Variants in SOX5 observed in about 807,000 individuals in gnomAD.
The protein encoded by SOX5 is SRY-box transcription factor 5.
SOX5 carries 9 observed loss-of-function variants against 92.0 expected under a neutral mutation model. The ratio of observed to expected loss-of-function variants is 0.10; its 90% CI spans 0.06 to 0.17. SOX5 has a LOEUF of 0.17. Ranked by LOEUF, SOX5 falls within the 10% of genes least tolerant of loss-of-function variation. The pLI, the probability that SOX5 is intolerant of heterozygous loss-of-function variation, is 1.00. For missense variants in SOX5, 642 were observed against 944.5 expected, an observed-to-expected ratio of 0.68 and a Z score of 4.20; for synonymous variants, 344 against 336.3, an observed-to-expected ratio of 1.02 and a Z score of -0.25.
intron 6 of SOX5, among the ~76,000 whole-genome samples, chr12:23,707,706 C>T (rs11047055): frequency 0.1 from 15,285 of 152,044 alleles, 847 homozygotes; most frequent in African/African-American, 0.12. Context: ...TTTAAGGTTA[C>T]ATTTTCCTTT....
chr12:24,302,576 C>T (rs937208821), intron 2 of SOX5, among the ~76,000 whole-genome samples: 3 of 151,258 alleles, frequency 2.0e-5, no homozygotes, highest in African/African-American at 7.3e-5. Context: ...TTTCCCTAAG[C>T]ATTACAAGTT....
At position 24,393,447 on chromosome 12, in the gene SOX5, T is replaced by C. The variant is rs1032143171; in HGVS notation, c.-250-24808A>G. The stretch of plus-strand genomic sequence containing the variant: ...GACAGAAAAGGGTTTTGCAAGGGCT[T>C]GGAGGATAATCAGCTTTAGGGTCAT... On this transcript the variant is annotated intron_variant, in intron 1 of 4. Coordinates refer to the SOX5 transcript ENST00000446891. The surrounding 1 kb of genome is among the most constrained non-coding windows in gnomAD (Gnocchi z 5.0). 2.0e-5 allele frequency among the ~76,000 whole-genome samples: 3 copies of C among 152,152 alleles called. No individual in the cohort carries two copies. The highest frequency in any genetic ancestry group is 7.2e-5 in the African/African-American group (3 of 41,416).
intron 2 of SOX5, among the ~76,000 whole-genome samples, chr12:24,292,372 A>G (rs12307079): frequency 0.068 from 10,296 of 152,298 alleles, 406 homozygotes; most frequent in African/African-American, 0.083. Flanking sequence ...TAAAAGTTGC[A>G]TAAATAAAAT....
At chr12:23,569,954 T>A (rs927085677) in intron 10 of SOX5, among the ~76,000 whole-genome samples, 2 of 152,194 alleles carry the variant, frequency 1.3e-5, no homozygotes, top group African/African-American at 2.4e-5. Flanking sequence ...CAGGGCAGGA[T>A]CTGTTGAAGA....
Position 23,594,871 on chromosome 12 carries a change from A to C in SOX5, c.1164+9516T>G, listed in dbSNP as rs73273885. Among the ~76,000 whole-genome samples the C allele has an allele frequency of 4.3e-3, 647 of 152,224 alleles. 9 individuals are homozygous for C. The highest frequency in any genetic ancestry group is 0.014 in the African/African-American group (594 of 41,510). On this transcript the variant is annotated intron_variant, in intron 9 of 14. Coordinates refer to ENST00000451604, the MANE Select transcript of SOX5 (RefSeq NM_006940.6). Reference sequence around the variant, plus strand: ...GCAATTACTTTCCCTCCTGTTTAGAATAACCTTTCCTTAGACCTTTACAGG... The same window carrying C: ...GCAATTACTTTCCCTCCTGTTTAGACTAACCTTTCCTTAGACCTTTACAGG...
At chr12:23,764,432 A>C (rs1415101084) in intron 3 of SOX5, among the ~76,000 whole-genome samples, 3 of 152,108 alleles carry the variant, frequency 2.0e-5, no homozygotes, top group African/African-American at 7.2e-5. Context: ...AAAACAGTTA[A>C]ATTCACAAGG....
chr12:24,149,082 CA>C (rs1043682942), intron 4 of SOX5, among the ~76,000 whole-genome samples: 1 of 152,080 alleles, frequency 6.6e-6, no homozygotes, highest in Non-Finnish European at 1.5e-5. Context: ...AATATTGATT[CA>C]AAATGGATCA....
At chr12:24,268,238 A>C (rs1288827142) in intron 3 of SOX5, among the ~76,000 whole-genome samples, 1 of 152,222 alleles carries the variant, frequency 6.6e-6, no homozygotes, top group Non-Finnish European at 1.5e-5. Context: ...TATTCAGATA[A>C]AATATTTGTA....
In SOX5 at chr12:23,534,297, CTCA is replaced by C; in HGVS notation, c.2211_2213del (p.Asp737del). ...CTGGATCATCCTCTTCCTCGTCGTA[CTCA>C]TCATAAATTTCTCCATTGATGTCCT... On this transcript the variant is annotated inframe_deletion, in exon 15 of 15. Coordinates refer to ENST00000451604, the MANE Select transcript of SOX5 (RefSeq NM_006940.6). 3 of 1,614,162 alleles carry C rather than the reference CTCA, an allele frequency of 1.9e-6. No homozygotes were observed. The highest frequency in any genetic ancestry group is 2.5e-6 in the Non-Finnish European group (3 of 1,179,992).
intron 1 of SOX5, among the ~76,000 whole-genome samples, chr12:24,397,507 C>T (rs1960350260): frequency 6.6e-6 from 1 of 152,104 alleles, no homozygotes; most frequent in Admixed American, 6.5e-5. Flanking sequence ...ATAATAAGTA[C>T]ATGCCAGGCT....
At position 23,534,003 on chromosome 12, in the gene SOX5, T is replaced by C; in HGVS notation, c.*216A>G. The C allele has an allele frequency of 2.1e-6, 1 of 485,366 alleles. No homozygotes were observed. 30.1% of individuals were successfully genotyped at this position (485,366 alleles called of 1,614,324 possible). ...TTTACCCATAGCTTATTTCAATCTC[T>C]TGTTGTTGATATTGTTGTTTGCTTG... On this transcript the variant is annotated 3_prime_UTR_variant, in exon 15 of 15. Transcript: ENST00000451604.
intron 4 of SOX5, among the ~76,000 whole-genome samples, chr12:24,022,078 A>G (rs1228165325): frequency 6.6e-6 from 1 of 152,196 alleles, no homozygotes; most frequent in Non-Finnish European, 1.5e-5. Context: ...ATAGCAGACA[A>G]CATTCTTGCT....
chr12:24,003,912 G>A (rs1951875016), intron 4 of SOX5, among the ~76,000 whole-genome samples: 1 of 152,028 alleles, frequency 6.6e-6, no homozygotes, highest in African/African-American at 2.4e-5. Flanking sequence ...TAAAGCTACA[G>A]TGATCAAGAC....
At chr12:24,550,721 C>T (rs755441146) in intron 1 of SOX5, among the ~76,000 whole-genome samples, 1 of 152,346 alleles carries the variant, frequency 6.6e-6, no homozygotes, top group East Asian at 1.9e-4. Context: ...AAATTAAGCA[C>T]AGCAGGAAGA....
chr12:24,385,802 C>A (rs1013811744), intron 1 of SOX5, among the ~76,000 whole-genome samples: 23 of 151,360 alleles, frequency 1.5e-4, no homozygotes, highest in African/African-American at 5.6e-4. Flanking sequence ...CATGGTGGTG[C>A]ATTTCTATAG....
intron 6 of SOX5, among the ~76,000 whole-genome samples, chr12:23,731,969 TAAA>T (rs1567301737): frequency 1.3e-5 from 2 of 152,134 alleles, no homozygotes; most frequent in East Asian, 3.8e-4. Context: ...GCACTGTATT[TAAA>T]AAAGAAAAAA....
chr12:23,973,198 A>G (rs1277480095), intron 4 of SOX5, among the ~76,000 whole-genome samples: 4 of 117,126 alleles, frequency 3.4e-5, no homozygotes, highest in Admixed American at 1.1e-4. Context: ...TTCTCACTCT[A>G]TTGCCCAGGC....
At chr12:23,856,855 C>A (rs1352645977) in intron 2 of SOX5, among the ~76,000 whole-genome samples, 72 of 152,058 alleles carry the variant, frequency 4.7e-4, no homozygotes, top group Non-Finnish European at 5.9e-5. Context: ...AACTTCTTAT[C>A]ATAGTACTAA....
At chr12:23,704,190 G>A (rs899927272) in intron 6 of SOX5, among the ~76,000 whole-genome samples, 7 of 151,622 alleles carry the variant, frequency 4.6e-5, no homozygotes, top group Non-Finnish European at 1.0e-4. Context: ...TGTGTGTAAA[G>A]TTTTTATTAT....
Sources: allele counts gnomAD v4.1 joint callset (sites outside exome capture counted in the v4.1 genomes callset), GRCh38; gene constraint gnomAD v4.1.1; non-coding constraint Gnocchi (gnomAD v3.1); transcripts MANE v1.5; gene names NCBI Gene and HGNC (gene_info 2026-07-23, HGNC 2026-07-21).